ARID5B: variants seen among roughly 807,000 people sequenced by gnomAD.
ARID5B encodes AT-rich interactive domain-containing protein 5B.
A neutral mutation model predicts 97.2 loss-of-function variants in ARID5B; 13 were observed. The observed-to-expected ratio is 0.13, with a 90% CI of 0.09 to 0.21. The LOEUF is 0.21. Ranked by LOEUF, ARID5B falls within the 10% of genes least tolerant of loss-of-function variation. The probability of loss-of-function intolerance (pLI) is 1.00; values close to 1 mark genes in which losing one functional copy is unlikely to be tolerated. For missense variants in ARID5B, 1,210 were observed against 1,465.3 expected (o/e 0.83, Z 2.84); for synonymous variants, 556 against 570.3 (o/e 0.97, Z 0.36).
chr10:62,003,465 C>T (rs912241037), intron 4 of ARID5B, among the ~76,000 whole-genome samples: 1 of 152,160 alleles, frequency 6.6e-6, no homozygotes, highest in African/African-American at 2.4e-5. Context: ...ATTTAAAAAA[C>T]TATTGGAAAT....
At position 61,924,263 on chromosome 10, in the gene ARID5B, G is replaced by A. The variant is rs1156568376; in HGVS notation, c.277-15920G>A. Among the ~76,000 whole-genome samples the A allele has an allele frequency of 2.6e-5, 4 of 152,310 alleles. No homozygotes were observed. In the East Asian group the frequency reaches 5.8e-4, roughly 22 times the overall value. On this transcript the variant is annotated intron_variant, in intron 2 of 9. Transcript: ENST00000279873. ...GTAGTTGCTTGAGTCTGTCCTTTGTGTTGGCCTCCACACCACAGTCGTTGA... is the reference window on the plus strand; with the variant it reads ...GTAGTTGCTTGAGTCTGTCCTTTGTATTGGCCTCCACACCACAGTCGTTGA...
intron 8 of ARID5B, among the ~76,000 whole-genome samples, chr10:62,079,770 C>G (rs2132968605): frequency 6.6e-6 from 1 of 152,342 alleles, no homozygotes; most frequent in East Asian, 1.9e-4. Context: ...CACCCACTTC[C>G]AGGGGCAAAT....
intron 2 of ARID5B, among the ~76,000 whole-genome samples, chr10:61,910,991 A>G (rs1843794183): frequency 6.6e-6 from 1 of 152,176 alleles, no homozygotes; most frequent in African/African-American, 2.4e-5. Context: ...GTTGCTAGTC[A>G]ATCTAGTGAC....
intron 7 of ARID5B, among the ~76,000 whole-genome samples, chr10:62,066,087 A>G (rs1225998590): frequency 6.6e-6 from 1 of 152,194 alleles, no homozygotes; most frequent in Non-Finnish European, 1.5e-5. Context: ...GCTTACCCAC[A>G]TCGAGAGAGG....
chr10:61,940,368 A>C lies in ARID5B; in HGVS notation c.462A>C (p.Gly154=). ...ACAGGCAGTCAACCCTAAACAGTGGACTCAACTTCAAAGACGTTCTCAAGG... is the reference window on the plus strand; with the variant it reads ...ACAGGCAGTCAACCCTAAACAGTGGCCTCAACTTCAAAGACGTTCTCAAGG... ...LKYRQSTLNS[G]LNFKDVLKEK... The change falls in exon 3 of 10, where the codon GGA becomes GGC. Residue 154 remains glycine (G), a synonymous_variant. Coordinates refer to ENST00000279873, the MANE Select transcript of ARID5B (RefSeq NM_032199.3). 1 of 1,614,044 alleles carries C rather than the reference A, an allele frequency of 6.2e-7. No homozygotes were observed. Among genetic ancestry groups the C allele is most frequent in the Non-Finnish European group, 8.5e-7 (1 of 1,179,980 alleles).
In ARID5B at chr10:62,093,343, T is replaced by G; in HGVS notation, c.*313T>G. On this transcript the variant is annotated 3_prime_UTR_variant, in exon 10 of 10. Coordinates refer to ENST00000279873, the MANE Select transcript of ARID5B (RefSeq NM_032199.3). Reference sequence around the variant, plus strand: ...TCCAGGAAGAACTTAGAGGACCCCATCTGAGTTCGGATGGTCAGGAAACAA... The same window carrying G: ...TCCAGGAAGAACTTAGAGGACCCCAGCTGAGTTCGGATGGTCAGGAAACAA... 1 of 305,550 alleles carries G rather than the reference T, an allele frequency of 3.3e-6. No individual in the cohort carries two copies. The highest frequency in any genetic ancestry group is 6.0e-6 in the Non-Finnish European group (1 of 165,298). The allele number at this position is 305,550 out of a possible 1,614,324, so 18.9% of individuals were successfully genotyped here.
intron 4 of ARID5B, among the ~76,000 whole-genome samples, chr10:62,016,750 G>T (rs1484232949): frequency 6.6e-6 from 1 of 152,168 alleles, no homozygotes; most frequent in African/African-American, 2.4e-5. Context: ...TTTTGGCATT[G>T]TCCTCTGATA....
At chr10:62,002,791 T>C (rs1839097183) in intron 4 of ARID5B, among the ~76,000 whole-genome samples, 1 of 152,236 alleles carries the variant, frequency 6.6e-6, no homozygotes, top group South Asian at 2.1e-4. Flanking sequence ...GAAACACTTC[T>C]GTCAGATTAC....
chr10:62,021,515 T>C (rs568318664), intron 4 of ARID5B, among the ~76,000 whole-genome samples: 1 of 152,332 alleles, frequency 6.6e-6, no homozygotes, highest in South Asian at 2.1e-4. Flanking sequence ...TCATCTTCTA[T>C]AAATATTACT....
At chr10:61,902,705 G>GTGTGTGTGTGTGTGTGTA (rs1843638815) in intron 2 of ARID5B, among the ~76,000 whole-genome samples, 1 of 146,002 alleles carries the variant, frequency 6.8e-6, no homozygotes, top group African/African-American at 2.5e-5. Context: ...GTGTGTGTAT[G>GTGTGTGTGTGTGTGTGTA]TGTGTGTGTG....
At position 62,094,220 on chromosome 10, in the gene ARID5B, G is replaced by C. The variant is rs914084915; in HGVS notation, c.*1190G>C. Reference sequence around the variant, plus strand: ...GGCGTTGGCACTGATTCCTTTAAATGGTCTGGGAAAGGGGGTTGGGAAGAG... The same window carrying C: ...GGCGTTGGCACTGATTCCTTTAAATCGTCTGGGAAAGGGGGTTGGGAAGAG... On this transcript the variant is annotated 3_prime_UTR_variant, in exon 10 of 10. Transcript: ENST00000279873. 2 of 232,226 alleles carry C rather than the reference G, an allele frequency of 8.6e-6. No individual in the cohort carries two copies. The highest frequency in any genetic ancestry group is 4.4e-5 in the African/African-American group (2 of 45,300). 14.4% of individuals were successfully genotyped at this position (232,226 alleles called of 1,614,324 possible).
chr10:61,971,517 G>T (rs1011726453), intron 3 of ARID5B, among the ~76,000 whole-genome samples: 1 of 152,166 alleles, frequency 6.6e-6, no homozygotes, highest in East Asian at 1.9e-4. Flanking sequence ...GGAAATTTTC[G>T]ATCTCAGTTA....
intron 8 of ARID5B, among the ~76,000 whole-genome samples, chr10:62,081,716 G>C (rs938317047): frequency 3.6e-4 from 55 of 152,122 alleles, no homozygotes; most frequent in African/African-American, 1.3e-3. Context: ...ATAAAAGGGA[G>C]AAAGAGTTGG....
chr10:62,021,972 T>C (rs1839361723), intron 4 of ARID5B, among the ~76,000 whole-genome samples: 1 of 152,238 alleles, frequency 6.6e-6, no homozygotes, highest in Non-Finnish European at 1.5e-5. Flanking sequence ...GAAAAGTAAA[T>C]GTAATACCGA....
At chr10:61,960,772 C>T (rs542085781) in intron 3 of ARID5B, among the ~76,000 whole-genome samples, 52 of 152,190 alleles carry the variant, frequency 3.4e-4, no homozygotes, top group African/African-American at 1.2e-3. Flanking sequence ...ATAGGTGCTC[C>T]GTAGGTATGT....
At chr10:61,934,164 G>C (rs527411308) in intron 2 of ARID5B, among the ~76,000 whole-genome samples, 1 of 152,152 alleles carries the variant, frequency 6.6e-6, no homozygotes, top group Non-Finnish European at 1.5e-5. Flanking sequence ...TTATTTTGCA[G>C]CTTCCTCACC....
At position 62,096,588 on chromosome 10, in the gene ARID5B, G is replaced by C; in HGVS notation, c.*3558G>C. ...AGAATAGCAGCATAATCTCTTGGCTGTTTATACTTTTTTAAACTTTCCTGT... is the reference window on the plus strand; with the variant it reads ...AGAATAGCAGCATAATCTCTTGGCTCTTTATACTTTTTTAAACTTTCCTGT... On this transcript the variant is annotated 3_prime_UTR_variant, in exon 10 of 10. Transcript: ENST00000279873. 4.3e-6 allele frequency: 1 copy of C among 233,460 alleles called. No individual in the cohort carries two copies. The highest frequency in any genetic ancestry group is 6.1e-5 in the East Asian group (1 of 16,526). 14.5% of individuals were successfully genotyped at this position (233,460 alleles called of 1,614,324 possible).
intron 4 of ARID5B, among the ~76,000 whole-genome samples, chr10:62,012,340 C>G (rs1427731830): frequency 6.6e-6 from 1 of 151,988 alleles, no homozygotes; most frequent in Non-Finnish European, 1.5e-5. Context: ...GGGCAACATC[C>G]CTTCTCTACA....
Position 62,085,909 on chromosome 10 carries a change from C to A in ARID5B, c.1398+9C>A, listed in dbSNP as rs368107420. 2.5e-5 allele frequency: 40 copies of A among 1,605,760 alleles called. No homozygotes were observed. In the African/African-American group the frequency reaches 5.3e-4, roughly 21 times the overall value. ...CCCAGGATGCAGCAGAGGTGAGTTG[C>A]TTTGCTCCATAGAAATACCTCTGGA... On this transcript the variant is annotated intron_variant, in intron 9 of 9. Coordinates refer to ENST00000279873, the MANE Select transcript of ARID5B (RefSeq NM_032199.3).
Sources: gnomAD v4.1 joint callset for allele counts (sites outside exome capture counted in the v4.1 genomes callset) on GRCh38, gnomAD v4.1.1 for gene constraint, MANE v1.5 for transcripts, NCBI Gene and HGNC (gene_info 2026-07-23, HGNC 2026-07-21) for gene names.